The following EPB41L2 variants were observed in gnomAD, a reference collection of about 807,000 sequenced individuals.
The protein encoded by EPB41L2 is erythrocyte membrane protein band 4.1 like 2, also known as band 4.1-like protein 2.
In EPB41L2, 43 loss-of-function variants were observed where a neutral mutation model predicts 113.0. The ratio of observed to expected loss-of-function variants is 0.38; its 90% confidence interval spans 0.30 to 0.49. The LOEUF is 0.49. Ranked by LOEUF, EPB41L2 falls within the 20% of genes least tolerant of loss-of-function variation. The pLI is 0.95. For synonymous variants in EPB41L2, 442 were observed against 436.7 expected (o/e 1.01, Z -0.15); for missense variants, 1,147 against 1,223.4 (o/e 0.94, Z 0.93).
intron 1 of EPB41L2, among the ~76,000 whole-genome samples, chr6:131,043,929 A>G (rs571156788): frequency 6.6e-6 from 1 of 152,298 alleles, no homozygotes; most frequent in Non-Finnish European, 1.5e-5. Context: ...ATGAGCTGAC[A>G]GATGTTAAAG....
chr6:130,933,005 C>T (rs553934130), intron 3 of EPB41L2, among the ~76,000 whole-genome samples: 21 of 152,354 alleles, frequency 1.4e-4, no homozygotes, highest in Non-Finnish European at 2.5e-4. Context: ...TTCATTTTCA[C>T]AATTCTACAT....
intron 1 of EPB41L2, among the ~76,000 whole-genome samples, chr6:130,961,888 G>A (rs1773650697): frequency 6.6e-6 from 1 of 152,174 alleles, no homozygotes; most frequent in Admixed American, 6.5e-5. Context: ...ATGGAGGGAG[G>A]CTTTCATTTG....
intron 1 of EPB41L2, among the ~76,000 whole-genome samples, chr6:131,056,277 A>T (rs1470988496): frequency 6.6e-6 from 1 of 152,254 alleles, no homozygotes; most frequent in Non-Finnish European, 1.5e-5. Context: ...TACTGTGGTT[A>T]TAGAGAGAAG....
At chr6:131,004,998 A>C (rs1049354417) in intron 1 of EPB41L2, among the ~76,000 whole-genome samples, 3 of 152,246 alleles carry the variant, frequency 2.0e-5, no homozygotes, top group African/African-American at 4.8e-5. Context: ...AGAAATGGAT[A>C]AGAAAAGCCT....
intron 19 of EPB41L2, among the ~76,000 whole-genome samples, chr6:130,841,808 A>G (rs539562092): frequency 3.3e-5 from 5 of 152,336 alleles, no homozygotes; most frequent in African/African-American, 1.2e-4. Context: ...AGAACAAGGG[A>G]TAAGTGAAAC....
At chr6:130,958,281 A>G (rs921087777) in intron 1 of EPB41L2, among the ~76,000 whole-genome samples, 1 of 151,996 alleles carries the variant, frequency 6.6e-6, no homozygotes, top group African/African-American at 2.4e-5. Context: ...GCGAAACCCC[A>G]TCTCTACTAA....
intron 1 of EPB41L2, among the ~76,000 whole-genome samples, chr6:130,974,916 C>G (rs1252680354): frequency 1.3e-5 from 2 of 151,788 alleles, no homozygotes; most frequent in South Asian, 2.1e-4. Context: ...CGCCACCACA[C>G]CTGGCTAATT....
chr6:130,926,765 T>A, intron 3 of EPB41L2, 56 bp from the exon 4 acceptor site: 1 of 1,058,938 alleles, frequency 9.4e-7, no homozygotes. Flanking sequence ...AAGACTGCTA[T>A]AAATTTAAGA....
At chr6:130,925,854 A>G (rs1365968414) in intron 4 of EPB41L2, among the ~76,000 whole-genome samples, 2 of 152,226 alleles carry the variant, frequency 1.3e-5, no homozygotes, top group African/African-American at 2.4e-5. Flanking sequence ...ATGTAATTTA[A>G]CTGTCTTTAG....
rs180805685 is a variant in EPB41L2, at chr6:130,953,495, C to T, written c.705+1610G>A. On this transcript the variant is annotated intron_variant, in intron 3 of 19. Transcript: ENST00000337057. ...GAACACTTGGACACAGGAAGGGGAA[C>T]ATCACACACTGGGGCCTATCATGGG... 9.3e-4 allele frequency among the ~76,000 whole-genome samples: 142 copies of T among 152,076 alleles called. 1 individual carries two copies. The highest frequency in any genetic ancestry group is 9.2e-3 in the Admixed American group (140 of 15,282).
In EPB41L2 at chr6:130,937,523, TA is replaced by T. The variant is rs140326091; in HGVS notation, c.706-10815del. ...GCTCAATTATTCACTTAAAATGCTT[TA>T]AAAAAAAAATGATTGGCTGGGCGCG... On this transcript the variant is annotated intron_variant, in intron 3 of 19. Coordinates refer to ENST00000337057, the MANE Select transcript of EPB41L2 (RefSeq NM_001431.4). Among the ~76,000 whole-genome samples the T allele has an allele frequency of 0.012, 1,756 of 150,022 alleles. 181 individuals carry two copies. The East Asian group carries it at 0.26, about 22-fold the overall frequency.
chr6:130,955,742 C>T (rs574565590), intron 2 of EPB41L2, among the ~76,000 whole-genome samples: 5 of 152,112 alleles, frequency 3.3e-5, no homozygotes, highest in South Asian at 2.1e-4. Context: ...TGGCAGGGCT[C>T]GGAGTATCTA....
intron 3 of EPB41L2, among the ~76,000 whole-genome samples, chr6:130,927,001 T>C (rs1213962139): frequency 1.3e-5 from 2 of 152,240 alleles, no homozygotes; most frequent in Non-Finnish European, 2.9e-5. Context: ...CTGTTCATTT[T>C]CTTATTTCAA....
chr6:130,938,260 A>G (rs1809570625), intron 3 of EPB41L2, among the ~76,000 whole-genome samples: 1 of 152,208 alleles, frequency 6.6e-6, no homozygotes, highest in Admixed American at 6.5e-5. Flanking sequence ...TCATTTTGAG[A>G]TATCTCAGTT....
At chr6:131,041,844 C>CT (rs1794513899) in intron 1 of EPB41L2, among the ~76,000 whole-genome samples, 1 of 152,136 alleles carries the variant, frequency 6.6e-6, no homozygotes, top group Admixed American at 6.5e-5. Flanking sequence ...TGGATTCTAA[C>CT]TTTAACTATA....
At chr6:130,919,310 G>A (rs1230817646) in intron 4 of EPB41L2, among the ~76,000 whole-genome samples, 2 of 152,040 alleles carry the variant, frequency 1.3e-5, no homozygotes, top group Non-Finnish European at 2.9e-5. Context: ...CGCTACAGTA[G>A]ACCCAAACAA....
intron 4 of EPB41L2, among the ~76,000 whole-genome samples, chr6:130,923,692 C>T (rs1337436617): frequency 6.6e-6 from 1 of 152,166 alleles, no homozygotes; most frequent in Non-Finnish European, 1.5e-5. Flanking sequence ...GCAGAATTAG[C>T]TTTTCCACTC....
Position 130,968,190 on chromosome 6 carries a change from G to A in EPB41L2, c.-14-11691C>T, listed in dbSNP as rs1473268613. Among the ~76,000 whole-genome samples the A allele has an allele frequency of 2.6e-5, 4 of 152,142 alleles. No homozygotes were observed. The East Asian group carries it at 5.8e-4, about 22-fold the overall frequency. ...GGTACAAGAGGCATTTCCCAAATAA[G>A]CAAACGACAAATCCACCAAGGTTAA... is the stretch of plus-strand genomic sequence containing the variant. On this transcript the variant is annotated intron_variant, in intron 1 of 19. Coordinates refer to ENST00000337057, the MANE Select transcript of EPB41L2 (RefSeq NM_001431.4).
At chr6:130,882,501 C>G in intron 12 of EPB41L2, 1 of 152,666 alleles carries the variant, frequency 6.6e-6, no homozygotes, top group Non-Finnish European at 1.5e-5. Context: ...ACAAACTGAG[C>G]TTACGTAGGC....
Sources: allele counts gnomAD v4.1 joint callset (sites outside exome capture counted in the v4.1 genomes callset), GRCh38; gene constraint gnomAD v4.1.1; transcripts MANE v1.5; gene names NCBI Gene and HGNC (gene_info 2026-07-23, HGNC 2026-07-21).